Variants in UBE2E2 observed in about 807,000 individuals in gnomAD.
The protein encoded by UBE2E2 is ubiquitin-conjugating enzyme E2 E2.
In UBE2E2, 6 loss-of-function variants were observed where a neutral mutation model predicts 24.7. The ratio of observed to expected loss-of-function variants is 0.24; its 90% CI spans 0.13 to 0.48. UBE2E2 has a LOEUF of 0.48. Among genes scored for constraint, UBE2E2 ranks in the 20% least tolerant of loss-of-function variants. UBE2E2 has a pLI of 0.99. For synonymous variants in UBE2E2, 104 were observed against 83.6 expected, an observed-to-expected ratio of 1.24 and a Z score of -1.33; for missense variants, 169 against 245.0, an observed-to-expected ratio of 0.69 and a Z score of 2.07.
At chr3:23,510,746 C>T (rs1201217734) in intron 4 of UBE2E2, among the ~76,000 whole-genome samples, 2 of 152,018 alleles carry the variant, frequency 1.3e-5, no homozygotes, top group African/African-American at 4.8e-5. Context: ...AGAGACCTGC[C>T]AAAAATTCTT....
intron 3 of UBE2E2, among the ~76,000 whole-genome samples, chr3:23,391,806 T>C (rs1404360317): frequency 6.6e-6 from 1 of 152,126 alleles, no homozygotes; most frequent in Non-Finnish European, 1.5e-5. Flanking sequence ...AGGGAGAGTT[T>C]GGATTGTGAG....
At chr3:23,257,524 C>G (rs1164523786) in intron 3 of UBE2E2, among the ~76,000 whole-genome samples, 4 of 49,774 alleles carry the variant, frequency 8.0e-5, no homozygotes, top group Non-Finnish European at 1.2e-4. Context: ...CCCCCCCCCC[C>G]CCCCACTTTT....
chr3:23,335,382 A>G (rs1695175538), intron 3 of UBE2E2, among the ~76,000 whole-genome samples: 1 of 152,200 alleles, frequency 6.6e-6, no homozygotes, highest in African/African-American at 2.4e-5. Flanking sequence ...TATTTTGACT[A>G]AATCACAGAC....
chr3:23,349,250 C>G (rs1695652644), intron 3 of UBE2E2, among the ~76,000 whole-genome samples: 1 of 152,188 alleles, frequency 6.6e-6, no homozygotes, highest in South Asian at 2.1e-4. Flanking sequence ...TTCAGGGAGG[C>G]AGCCAAAATG....
At chr3:23,262,813 C>T (rs935345709) in intron 3 of UBE2E2, among the ~76,000 whole-genome samples, 1 of 151,910 alleles carries the variant, frequency 6.6e-6, no homozygotes, top group Admixed American at 6.6e-5. Flanking sequence ...CTTTTGGTGT[C>T]ACATCCAAAA....
chr3:23,436,920 T>A (rs76493985), intron 3 of UBE2E2, among the ~76,000 whole-genome samples: 114 of 152,344 alleles, frequency 7.5e-4, no homozygotes, highest in Non-Finnish European at 1.4e-3. Flanking sequence ...ATGAGCTGGG[T>A]GCTACAAGAC....
At chr3:23,352,154 A>G (rs1695774805) in intron 3 of UBE2E2, among the ~76,000 whole-genome samples, 2 of 152,214 alleles carry the variant, frequency 1.3e-5, no homozygotes. Flanking sequence ...AACGAAATGA[A>G]GGCAGAAATA....
At chr3:23,269,949 C>T (rs138450946) in intron 3 of UBE2E2, among the ~76,000 whole-genome samples, 4 of 152,254 alleles carry the variant, frequency 2.6e-5, no homozygotes, top group African/African-American at 9.6e-5. Context: ...CAAAACAATA[C>T]CAGGAATTTG....
intron 3 of UBE2E2, among the ~76,000 whole-genome samples, chr3:23,257,167 T>C (rs186149824): frequency 2.9e-4 from 44 of 152,336 alleles, no homozygotes; most frequent in African/African-American, 1.1e-3. Flanking sequence ...TGGGTCTTCA[T>C]CTTTCAGGAG....
chr3:23,350,887 G>A (rs919883270), intron 3 of UBE2E2, among the ~76,000 whole-genome samples: 3 of 152,184 alleles, frequency 2.0e-5, no homozygotes, highest in South Asian at 2.1e-4. Flanking sequence ...TACAGAGAAC[G>A]CCTCAAAGAT....
chr3:23,361,512 A>AG (rs1311654799), intron 3 of UBE2E2, among the ~76,000 whole-genome samples: 2 of 152,230 alleles, frequency 1.3e-5, no homozygotes, highest in Non-Finnish European at 2.9e-5. Context: ...AAAGGAATGA[A>AG]GTATGTTCTT....
chr3:23,568,696 CATAT>C (rs71057606), intron 5 of UBE2E2, among the ~76,000 whole-genome samples: 10 of 118,512 alleles, frequency 8.4e-5, no homozygotes, highest in African/African-American at 2.7e-4. Context: ...TATATACACA[CATAT>C]ATATATACAT....
At chr3:23,334,793 G>A (rs2125304513) in intron 3 of UBE2E2, among the ~76,000 whole-genome samples, 1 of 152,288 alleles carries the variant, frequency 6.6e-6, no homozygotes, top group South Asian at 2.1e-4. Flanking sequence ...AGCACATTCA[G>A]CCACAGGCTT....
At chr3:23,393,257 T>C (rs1364996577) in intron 3 of UBE2E2, among the ~76,000 whole-genome samples, 1 of 152,130 alleles carries the variant, frequency 6.6e-6, no homozygotes, top group Non-Finnish European at 1.5e-5. Context: ...ATAAGAAGTA[T>C]GAGGGAGAGG....
intron 3 of UBE2E2, among the ~76,000 whole-genome samples, chr3:23,466,466 G>A (rs1253378282): frequency 6.6e-6 from 1 of 152,160 alleles, no homozygotes; most frequent in African/African-American, 2.4e-5. Context: ...GAGCTTATTA[G>A]GGAATATTTT....
chr3:23,431,110 G>T (rs1211404641), intron 3 of UBE2E2, among the ~76,000 whole-genome samples: 2 of 152,150 alleles, frequency 1.3e-5, no homozygotes, highest in Non-Finnish European at 2.9e-5. Context: ...TATCTATTTG[G>T]TATCTTCACT....
chr3:23,339,149 C>G (rs1005642474), intron 3 of UBE2E2, among the ~76,000 whole-genome samples: 1 of 152,100 alleles, frequency 6.6e-6, no homozygotes, highest in East Asian at 1.9e-4. Flanking sequence ...TTGTGGTATT[C>G]TTGACAAAAT....
intron 3 of UBE2E2, among the ~76,000 whole-genome samples, chr3:23,296,733 A>T (rs1182594914): frequency 1.3e-5 from 2 of 152,158 alleles, no homozygotes; most frequent in Non-Finnish European, 2.9e-5. Flanking sequence ...GTTGGTTCCA[A>T]GTCTTTGCTA....
At chr3:23,499,494 ATTAAC>A in intron 3 of UBE2E2, 109 bp from the exon 4 acceptor site, 1 of 1,292,552 alleles carries the variant, frequency 7.7e-7, no homozygotes, top group African/African-American at 1.5e-5. Context: ...GAGTTAACTG[ATTAAC>A]TTTTTGTGTT....
Sources: allele counts gnomAD v4.1 joint callset (sites outside exome capture counted in the v4.1 genomes callset), GRCh38; gene constraint gnomAD v4.1.1; transcripts MANE v1.5; gene names NCBI Gene and HGNC (gene_info 2026-07-23, HGNC 2026-07-21).